CLVS1: variants seen among roughly 807,000 people sequenced by gnomAD.
CLVS1 encodes the protein clavesin 1.
Under a neutral mutation model 33.1 loss-of-function variants are expected in CLVS1, and 10 were observed. That is an observed-to-expected ratio of 0.30 (90% CI 0.19 to 0.51). CLVS1 has a LOEUF of 0.51. Among genes scored for constraint, CLVS1 ranks in the 20% least tolerant of loss-of-function variants. CLVS1 has a pLI of 0.97. For missense variants in CLVS1, 343 were observed against 433.4 expected, an observed-to-expected ratio of 0.79 and a Z score of 1.85; for synonymous variants, 163 against 166.1, an observed-to-expected ratio of 0.98 and a Z score of 0.14.
intron 1 of CLVS1, 44 bp downstream of exon 1, chr8:61,288,182 C>T: frequency 2.2e-6 from 1 of 456,304 alleles, no homozygotes; most frequent in South Asian, 1.5e-5. Context: ...GCCGAGCCTC[C>T]CCGCCTTTCC....
chr8:61,452,373 T>G lies in CLVS1; in HGVS notation c.631-1768T>G, dbSNP rs997354191. On this transcript the variant is annotated intron_variant, in intron 3 of 5. Coordinates refer to ENST00000325897, the MANE Select transcript of CLVS1 (RefSeq NM_173519.3). ...TCCCATTAAAAAGATAGTGAAGCCC[T>G]GGTTTTATAAATAAATGCTTGTTTC... Among the ~76,000 whole-genome samples, 8 of 152,332 alleles carry G rather than the reference T, an allele frequency of 5.3e-5. No homozygotes were observed. In the East Asian group the frequency reaches 1.5e-3, roughly 29 times the overall value.
chr8:61,329,517 C>T (rs529356981), intron 2 of CLVS1, among the ~76,000 whole-genome samples: 1 of 152,208 alleles, frequency 6.6e-6, no homozygotes, highest in African/African-American at 2.4e-5. Context: ...GATAATAATT[C>T]AAATCTTCCT....
At chr8:61,144,509 A>G (rs534790630) in intron 2 of CLVS1, among the ~76,000 whole-genome samples, 1 of 152,282 alleles carries the variant, frequency 6.6e-6, no homozygotes, top group East Asian at 1.9e-4. Flanking sequence ...ATAGTGCTGC[A>G]ATAACATATG....
chr8:61,273,413 T>C (rs2129592826), intron 2 of CLVS1, among the ~76,000 whole-genome samples: 1 of 152,266 alleles, frequency 6.6e-6, no homozygotes, highest in African/African-American at 2.4e-5. Context: ...AGAGGGACAT[T>C]TAAGTCTGCA....
intron 2 of CLVS1, chr8:61,203,188 G>C: frequency 9.0e-7 from 1 of 1,116,120 alleles, no homozygotes; most frequent in South Asian, 1.2e-5. Flanking sequence ...CTGACCAAGA[G>C]GCTATTCAAG....
intron 1 of CLVS1, among the ~76,000 whole-genome samples, chr8:61,111,659 G>A (rs529156260): frequency 1.3e-5 from 2 of 152,170 alleles, no homozygotes; most frequent in South Asian, 4.2e-4. Flanking sequence ...CTTCTGTTCT[G>A]TAAATCTTTC....
upstream of CLVS1, among the ~76,000 whole-genome samples, chr8:61,283,300 T>C (rs374896890): frequency 1.3e-5 from 2 of 152,344 alleles, no homozygotes; most frequent in African/African-American, 4.8e-5. Flanking sequence ...TGTCAAGAAT[T>C]TCCAACCTTG....
chr8:61,208,326 G>A (rs577668535), intron 2 of CLVS1, among the ~76,000 whole-genome samples: 6 of 152,264 alleles, frequency 3.9e-5, no homozygotes, highest in African/African-American at 9.6e-5. Flanking sequence ...TTGGAGCAAG[G>A]TATCCAGATG....
intron 2 of CLVS1, among the ~76,000 whole-genome samples, chr8:61,214,329 GT>G (rs1808039963): frequency 6.6e-6 from 1 of 152,110 alleles, no homozygotes; most frequent in South Asian, 2.1e-4. Flanking sequence ...AAACTTGCTG[GT>G]TTTTGCGGCT....
In CLVS1 at chr8:61,399,815, T is replaced by C. The variant is rs570732176; in HGVS notation, c.630+23036T>C. 1.5e-4 allele frequency among the ~76,000 whole-genome samples: 23 copies of C among 152,310 alleles called. No individual in the cohort carries two copies. In the South Asian group the frequency reaches 4.6e-3, roughly 30 times the overall value. On this transcript the variant is annotated intron_variant, in intron 3 of 5. Coordinates refer to ENST00000325897, the MANE Select transcript of CLVS1 (RefSeq NM_173519.3). ...GAATCCTTTCCCCATTGCTTGTCTT[T>C]GTCAAGTTTGTCAAAGATCAGATGG...
intron 2 of CLVS1, among the ~76,000 whole-genome samples, chr8:61,365,437 G>A (rs577738396): frequency 6.6e-6 from 1 of 152,066 alleles, no homozygotes; most frequent in South Asian, 2.1e-4. Flanking sequence ...TGAGGCAGGA[G>A]AATAGCTTGA....
At chr8:61,418,369 C>A (rs1815525608) in intron 3 of CLVS1, among the ~76,000 whole-genome samples, 1 of 152,146 alleles carries the variant, frequency 6.6e-6, no homozygotes. Flanking sequence ...ACTTAAATTG[C>A]AGAAATAATG....
chr8:61,032,426 C>T, the CLVS1 span, among the ~76,000 whole-genome samples: 1 of 152,230 alleles, frequency 6.6e-6, no homozygotes, highest in Non-Finnish European at 1.5e-5. Flanking sequence ...CTTTGATAAT[C>T]TCTGTGTGTC....
the CLVS1 span, among the ~76,000 whole-genome samples, chr8:61,004,188 CT>C: frequency 2.6e-5 from 4 of 152,238 alleles, no homozygotes; most frequent in African/African-American, 9.6e-5. Context: ...ATATAAAGTG[CT>C]TTGCACGTGG....
intron 1 of CLVS1, among the ~76,000 whole-genome samples, chr8:61,290,286 T>A (rs1484295803): frequency 1.3e-5 from 2 of 152,240 alleles, no homozygotes; most frequent in African/African-American, 4.8e-5. Context: ...ACTGAAATGT[T>A]ATGCTGAGCT....
At chr8:61,148,449 G>T (rs570385795) in intron 2 of CLVS1, among the ~76,000 whole-genome samples, 1 of 152,118 alleles carries the variant, frequency 6.6e-6, no homozygotes, top group Admixed American at 6.5e-5. Context: ...TCCACACAAG[G>T]CTCCTACCCT....
chr8:61,153,244 G>A lies in CLVS1; in HGVS notation c.-152+21384G>A, dbSNP rs562569636. On this transcript the variant is annotated intron_variant, in intron 2 of 2. Coordinates refer to the CLVS1 transcript ENST00000522621. ...TAACAAATTCAGTATTTGAGACATC[G>A]TAAATAAGGACTTGAAATGGACAGA... Among the ~76,000 whole-genome samples, 11 of 152,322 alleles carry A rather than the reference G, an allele frequency of 7.2e-5. No individual in the cohort carries two copies. In the East Asian group the frequency reaches 1.2e-3, roughly 16 times the overall value.
intron 2 of CLVS1, among the ~76,000 whole-genome samples, chr8:61,281,273 T>C (rs964345755): frequency 6.6e-6 from 1 of 152,134 alleles, no homozygotes; most frequent in Non-Finnish European, 1.5e-5. Flanking sequence ...TTGGGGGTAT[T>C]ATGGACTTAA....
At chr8:61,493,153 T>C (rs1804152251) in intron 5 of CLVS1, among the ~76,000 whole-genome samples, 1 of 152,240 alleles carries the variant, frequency 6.6e-6, no homozygotes, top group African/African-American at 2.4e-5. Context: ...TGTGAAATTA[T>C]TTTATCAATT....
Sources: allele counts gnomAD v4.1 joint callset (sites outside exome capture counted in the v4.1 genomes callset), GRCh38; gene constraint gnomAD v4.1.1; transcripts MANE v1.5; gene names NCBI Gene and HGNC (gene_info 2026-07-23, HGNC 2026-07-21).